Variants in MED12L observed in about 807,000 individuals in gnomAD.
The protein encoded by MED12L is mediator complex subunit 12L, also known as mediator of RNA polymerase II transcription subunit 12-like protein.
MED12L carries 60 observed loss-of-function variants against 281.3 expected under a neutral mutation model. The ratio of observed to expected loss-of-function variants is 0.21; its 90% CI spans 0.17 to 0.26. The LOEUF (loss-of-function observed/expected upper bound fraction) is 0.26. Among genes scored for constraint, MED12L ranks in the 10% least tolerant of loss-of-function variants. The probability of loss-of-function intolerance (pLI) is 1.00; values close to 1 mark genes in which losing one functional copy is unlikely to be tolerated. For synonymous variants in MED12L, 974 were observed against 987.2 expected (o/e 0.99, Z 0.25); for missense variants, 2,146 against 2,680.9 (o/e 0.80, Z 4.41).
intron 16 of MED12L, among the ~76,000 whole-genome samples, chr3:151,267,676 ATTAC>A: frequency 6.6e-6 from 1 of 152,134 alleles, no homozygotes; most frequent in East Asian, 1.9e-4. Flanking sequence ...TGTAACATGT[ATTAC>A]TTATATATAT....
intron 5 of MED12L, among the ~76,000 whole-genome samples, chr3:151,151,031 C>CTTTTTGTTTTTTTTTTTTTTTTTT (rs1718401255): frequency 6.1e-5 from 2 of 32,880 alleles, no homozygotes; most frequent in African/African-American, 1.2e-4. Flanking sequence ...GCTGAAGTAG[C>CTTTTTGTTTTTTTTTTTTTTTTTT]TTTTTTTTTT....
At chr3:151,229,305 C>CTTTT (rs35097589) in intron 16 of MED12L, among the ~76,000 whole-genome samples, 10 of 112,516 alleles carry the variant, frequency 8.9e-5, no homozygotes, top group East Asian at 2.4e-4. Flanking sequence ...TTCAGCAATT[C>CTTTT]TTTTTTTTTT....
intron 19 of MED12L, among the ~76,000 whole-genome samples, chr3:151,356,622 T>C (rs1301835714): frequency 1.3e-5 from 2 of 152,034 alleles, no homozygotes; most frequent in African/African-American, 4.8e-5. Flanking sequence ...GTGTTTCTTC[T>C]GTTTTTTTTT....
intron 16 of MED12L, chr3:151,199,433 T>C (rs1725206289): frequency 1.3e-6 from 2 of 1,503,970 alleles, no homozygotes; most frequent in Non-Finnish European, 1.8e-6. Flanking sequence ...AAAAAATTTC[T>C]AAGACTCTGT....
chr3:151,399,853 G>T (rs946492338), intron 39 of MED12L, among the ~76,000 whole-genome samples: 18 of 146,956 alleles, frequency 1.2e-4, no homozygotes, highest in African/African-American at 4.1e-4. Context: ...TTGAGACAGG[G>T]TCTCCCTCTG....
At position 151,259,985 on chromosome 3, in the gene MED12L, A is replaced by G. The variant is rs142849675; in HGVS notation, c.2250+66319A>G. Reference sequence around the variant, plus strand: ...GGTAAATATTTTCTTCATGTGATACATAAAAGATTGGTAGGCATTGTGAAG... The same window carrying G: ...GGTAAATATTTTCTTCATGTGATACGTAAAAGATTGGTAGGCATTGTGAAG... On this transcript the variant is annotated intron_variant, in intron 16 of 44. Coordinates refer to ENST00000687756, the MANE Select transcript of MED12L (RefSeq NM_001393769.1). Among the ~76,000 whole-genome samples, 24 of 152,338 alleles carry G rather than the reference A, an allele frequency of 1.6e-4. No homozygotes were observed. The South Asian group carries it at 1.7e-3, about 11-fold the overall frequency.
chr3:151,328,931 A>G, intron 16 of MED12L: 2 of 1,613,854 alleles, frequency 1.2e-6, no homozygotes, highest in Non-Finnish European at 1.7e-6. Flanking sequence ...CAGCTGTACT[A>G]TCCGAGTGTC....
intron 16 of MED12L, among the ~76,000 whole-genome samples, chr3:151,250,533 CTT>C (rs1475326315): frequency 6.6e-6 from 1 of 152,094 alleles, no homozygotes; most frequent in East Asian, 1.9e-4. Context: ...AGTATTTGTC[CTT>C]TTTTGACTGG....
At chr3:151,153,360 C>T (rs190267404) in intron 5 of MED12L, among the ~76,000 whole-genome samples, 2 of 152,274 alleles carry the variant, frequency 1.3e-5, no homozygotes, top group East Asian at 3.9e-4. Flanking sequence ...CATAAACTTT[C>T]TAATAATCTG....
At chr3:151,359,145 C>T (rs1207065663) in intron 20 of MED12L, among the ~76,000 whole-genome samples, 3 of 152,054 alleles carry the variant, frequency 2.0e-5, no homozygotes, top group African/African-American at 7.2e-5. Flanking sequence ...ACGTGTACCT[C>T]ATGCTTAGCT....
intron 16 of MED12L, among the ~76,000 whole-genome samples, chr3:151,298,666 G>A (rs1335560377): frequency 6.6e-6 from 1 of 152,136 alleles, no homozygotes; most frequent in Admixed American, 6.5e-5. Context: ...TATTTGTTTG[G>A]GACGTAAGGG....
intron 11 of MED12L, among the ~76,000 whole-genome samples, chr3:151,166,420 C>T (rs1451918245): frequency 2.0e-5 from 3 of 151,036 alleles, no homozygotes; most frequent in African/African-American, 7.3e-5. Context: ...AGAAATAGAA[C>T]CAATAGAAAA....
intron 16 of MED12L, among the ~76,000 whole-genome samples, chr3:151,227,455 C>T (rs2870518): frequency 0.75 from 114,269 of 152,168 alleles, 43,387 homozygotes; most frequent in African/African-American, 0.85. Context: ...AAACTGATAA[C>T]GTCCAAACAT....
intron 11 of MED12L, among the ~76,000 whole-genome samples, chr3:151,183,892 T>A (rs1363762874): frequency 6.6e-6 from 1 of 152,206 alleles, no homozygotes; most frequent in Non-Finnish European, 1.5e-5. Context: ...GAAAGCAGTA[T>A]TTTTAGGGTA....
chr3:151,239,895 A>G (rs73869165), intron 16 of MED12L, among the ~76,000 whole-genome samples: 4,007 of 152,362 alleles, frequency 0.026, 162 homozygotes, highest in African/African-American at 0.092. Context: ...ATTTAAAAAT[A>G]TATGAAACTT....
At chr3:151,146,128 C>G (rs1451951606) in intron 5 of MED12L, among the ~76,000 whole-genome samples, 1 of 152,184 alleles carries the variant, frequency 6.6e-6, no homozygotes, top group African/African-American at 2.4e-5. Flanking sequence ...TTTCTCCACC[C>G]GACTCCAGAC....
chr3:151,417,487 C>CCTT (rs1717736742), intron 43 of MED12L, among the ~76,000 whole-genome samples: 95 of 78,804 alleles, frequency 1.2e-3, no homozygotes, highest in Non-Finnish European at 1.6e-3. Flanking sequence ...CCCCCCCCGC[C>CCTT]TTTTTTTTTT....
chr3:151,429,093 C>A (rs1284575777), intron 43 of MED12L, among the ~76,000 whole-genome samples: 1 of 152,184 alleles, frequency 6.6e-6, no homozygotes, highest in East Asian at 1.9e-4. Context: ...TCACTGACTG[C>A]CCCTAATCCC....
At chr3:151,269,711 T>C (rs1348307502) in intron 16 of MED12L, 2 of 420,716 alleles carry the variant, frequency 4.8e-6, no homozygotes, top group African/African-American at 4.2e-5. Context: ...GATGAAAATC[T>C]TTAGTTTGAA....
Sources: gnomAD v4.1 joint callset for allele counts (sites outside exome capture counted in the v4.1 genomes callset) on GRCh38, gnomAD v4.1.1 for gene constraint, MANE v1.5 for transcripts, NCBI Gene and HGNC (gene_info 2026-07-23, HGNC 2026-07-21) for gene names.